Variants in ATG5 observed in about 807,000 individuals in gnomAD.
ATG5 encodes autophagy related 5.
In ATG5, 14 loss-of-function variants were observed where a neutral mutation model predicts 36.5. The ratio of observed to expected loss-of-function variants is 0.38; its 90% CI spans 0.25 to 0.60. The LOEUF (loss-of-function observed/expected upper bound fraction) is 0.60, where lower values mean the gene tolerates loss of function less well. ATG5 is among the 20% of genes least tolerant of loss of function. The pLI is 0.60. For synonymous variants in ATG5, 95 were observed against 101.5 expected (o/e 0.94, Z 0.38); for missense variants, 195 against 326.7 (o/e 0.60, Z 3.11).
intron 6 of ATG5, among the ~76,000 whole-genome samples, chr6:106,218,377 G>T (rs377638769): frequency 9.2e-5 from 14 of 152,210 alleles, no homozygotes; most frequent in African/African-American, 1.4e-4. Flanking sequence ...ATAGTTAAAT[G>T]AAATCTTCCT....
intron 7 of ATG5, among the ~76,000 whole-genome samples, chr6:106,193,534 A>G (rs1019366043): frequency 1.3e-5 from 2 of 152,228 alleles, no homozygotes; most frequent in Admixed American, 6.5e-5. Flanking sequence ...ATAAAAAGCA[A>G]AGTGTATTAA....
rs569560968 is a variant in ATG5 at position 106,317,604 on chromosome 6, ATAC to A, written c.-58-1341_-58-1339del. 1.1e-3 allele frequency among the ~76,000 whole-genome samples: 169 copies of A among 152,346 alleles called. 1 individual carries two copies. The highest frequency in any genetic ancestry group is 3.9e-3 in the African/African-American group (162 of 41,578). On this transcript the variant is annotated intron_variant, in intron 1 of 7. Coordinates refer to ENST00000369076, the MANE Select transcript of ATG5 (RefSeq NM_004849.4). ...AACTGAGTCCAGTGCTCTTTCCAGC[ATAC>A]TACTAGTGTTTTAACTTTTATTAAA...
intron 5 of ATG5, among the ~76,000 whole-genome samples, chr6:106,252,260 G>A (rs1778623792): frequency 6.6e-6 from 1 of 151,794 alleles, no homozygotes; most frequent in Admixed American, 6.6e-5. Flanking sequence ...ACTGATGTTA[G>A]TTTCTTTTTA....
chr6:106,246,482 A>T (rs1778346244), intron 6 of ATG5, among the ~76,000 whole-genome samples: 1 of 151,718 alleles, frequency 6.6e-6, no homozygotes, highest in African/African-American at 2.4e-5. Flanking sequence ...ATAACACAAC[A>T]CTAGGTATGG....
chr6:106,260,843 C>G (rs928482093), intron 5 of ATG5, among the ~76,000 whole-genome samples: 7 of 152,182 alleles, frequency 4.6e-5, no homozygotes, highest in Non-Finnish European at 8.8e-5. Flanking sequence ...CAGAATTCAT[C>G]ACTATAGCCA....
At chr6:106,323,776 C>G (rs1406765500) in intron 1 of ATG5, among the ~76,000 whole-genome samples, 1 of 152,192 alleles carries the variant, frequency 6.6e-6, no homozygotes, top group Non-Finnish European at 1.5e-5. Flanking sequence ...TTTTAAAACA[C>G]AAGTTAGATC....
chr6:106,316,588 A>G (rs1359902049), intron 1 of ATG5, among the ~76,000 whole-genome samples: 2 of 152,106 alleles, frequency 1.3e-5, no homozygotes, highest in African/African-American at 4.8e-5. Context: ...CTGCTTACCT[A>G]AAGAGGAGCT....
intron 4 of ATG5, among the ~76,000 whole-genome samples, chr6:106,290,231 A>G (rs996616299): frequency 6.8e-6 from 1 of 147,260 alleles, no homozygotes; most frequent in Non-Finnish European, 1.5e-5. Flanking sequence ...TATATATTTT[A>G]TTTTATTTAT....
intron 5 of ATG5, among the ~76,000 whole-genome samples, chr6:106,266,681 GCAAGGCTGATTCAACA>G (rs1216154449): frequency 6.6e-6 from 1 of 152,188 alleles, no homozygotes; most frequent in Non-Finnish European, 1.5e-5. Flanking sequence ...TCCCTGGGAT[GCAAGGCTGATTCAACA>G]CACACAAATC....
intron 5 of ATG5, among the ~76,000 whole-genome samples, chr6:106,254,907 T>C (rs1256197210): frequency 6.6e-6 from 1 of 152,238 alleles, no homozygotes; most frequent in Non-Finnish European, 1.5e-5. Context: ...AGTTATGCAA[T>C]TGAGCAGCCT....
At position 106,288,524 on chromosome 6, in the gene ATG5, C is replaced by T. The variant is rs557361807; in HGVS notation, c.315+4504G>A. Reference sequence around the variant, plus strand: ...CAGAAAATAGAAAATACAAAAATGCCTATAAAAATATTAATTTTCTGATTC... The same window carrying T: ...CAGAAAATAGAAAATACAAAAATGCTTATAAAAATATTAATTTTCTGATTC... On this transcript the variant is annotated intron_variant, in intron 4 of 7. Transcript: ENST00000369076. Among the ~76,000 whole-genome samples the T allele has an allele frequency of 2.0e-5, 3 of 152,208 alleles. No individual in the cohort carries two copies. The South Asian group carries it at 6.2e-4, about 32-fold the overall frequency.
intron 5 of ATG5, among the ~76,000 whole-genome samples, chr6:106,277,120 C>T (rs568482960): frequency 1.1e-4 from 16 of 152,298 alleles, no homozygotes; most frequent in African/African-American, 3.8e-4. Context: ...GCCTTACTTG[C>T]TCTTGATACC....
chr6:106,207,080 A>T (rs1776663409), intron 6 of ATG5, among the ~76,000 whole-genome samples: 1 of 152,218 alleles, frequency 6.6e-6, no homozygotes, highest in African/African-American at 2.4e-5. Context: ...TCCAAGAAAC[A>T]GTATTACTCT....
At chr6:106,284,732 T>C (rs143508570) in intron 4 of ATG5, among the ~76,000 whole-genome samples, 10 of 151,750 alleles carry the variant, frequency 6.6e-5, no homozygotes, top group African/African-American at 2.4e-4. Context: ...TTTTTTGTTT[T>C]TTTTTTTTGC....
chr6:106,277,096 G>T (rs1779687421), intron 5 of ATG5, among the ~76,000 whole-genome samples: 1 of 152,170 alleles, frequency 6.6e-6, no homozygotes, highest in Non-Finnish European at 1.5e-5. Context: ...AGTATACACT[G>T]TCATAAAATG....
intron 5 of ATG5, among the ~76,000 whole-genome samples, chr6:106,277,259 G>A (rs538807217): frequency 1.3e-5 from 2 of 152,266 alleles, no homozygotes; most frequent in South Asian, 2.1e-4. Context: ...ATTATGGCAG[G>A]TGAAGGTTTT....
intron 6 of ATG5, 70 bp from the exon 7 acceptor site, chr6:106,202,159 C>A: frequency 1.6e-6 from 2 of 1,228,816 alleles, no homozygotes; most frequent in Non-Finnish European, 2.4e-6. Context: ...ATTTATATAT[C>A]ATAAACTTTA....
At chr6:106,220,832 C>T (rs73775392) in intron 6 of ATG5, among the ~76,000 whole-genome samples, 3,744 of 152,222 alleles carry the variant, frequency 0.025, 63 homozygotes, top group African/African-American at 0.049. Flanking sequence ...TTTTCTTACA[C>T]CATGAAATTG....
At position 106,268,256 on chromosome 6, in the gene ATG5, G is replaced by T. The variant is rs1306772761; in HGVS notation, c.478+11405C>A. Among the ~76,000 whole-genome samples, 3 of 152,296 alleles carry T rather than the reference G, an allele frequency of 2.0e-5. No individual in the cohort carries two copies. In the East Asian group the frequency reaches 5.8e-4, roughly 29 times the overall value. ...GCACTTCTCAAAAGAAGACATTTAT[G>T]TGGCAAACAAACATGAAAAAAAGCT... On this transcript the variant is annotated intron_variant, in intron 5 of 7. Transcript: ENST00000369076.
Sources: allele counts gnomAD v4.1 joint callset (sites outside exome capture counted in the v4.1 genomes callset), GRCh38; gene constraint gnomAD v4.1.1; transcripts MANE v1.5; gene names NCBI Gene and HGNC (gene_info 2026-07-23, HGNC 2026-07-21).